Variants in CDH4 observed in about 807,000 individuals in gnomAD.
The protein encoded by CDH4 is cadherin-4.
CDH4 carries 33 observed loss-of-function variants against 86.0 expected under a neutral mutation model. The ratio of observed to expected loss-of-function variants is 0.38; its 90% CI spans 0.29 to 0.51. The LOEUF (loss-of-function observed/expected upper bound fraction) is 0.51, where lower values mean the gene tolerates loss of function less well. CDH4 is among the 20% of genes least tolerant of loss of function. CDH4 has a pLI of 0.86. For synonymous variants in CDH4, 555 were observed against 549.4 expected (o/e 1.01, Z -0.14); for missense variants, 1,114 against 1,307.4 (o/e 0.85, Z 2.28).
At chr20:61,316,157 G>C (rs1347993740) in intron 2 of CDH4, among the ~76,000 whole-genome samples, 1 of 152,144 alleles carries the variant, frequency 6.6e-6, no homozygotes, top group East Asian at 1.9e-4. Context: ...TTAGGATGGG[G>C]CAGGTTTCAG....
chr20:61,885,306 AC>A (rs1984492240), intron 7 of CDH4, among the ~76,000 whole-genome samples: 1 of 150,608 alleles, frequency 6.6e-6, no homozygotes, highest in African/African-American at 2.5e-5. Flanking sequence ...CGACTCCCTT[AC>A]CCCCAGCTCC....
At chr20:61,532,231 G>A (rs886868273) in intron 2 of CDH4, among the ~76,000 whole-genome samples, 3 of 152,234 alleles carry the variant, frequency 2.0e-5, no homozygotes, top group African/African-American at 4.8e-5. Context: ...CCTGAGCACC[G>A]TGAGTTTGCT....
chr20:61,334,059 G>A (rs541175553), intron 2 of CDH4, among the ~76,000 whole-genome samples: 4 of 152,328 alleles, frequency 2.6e-5, no homozygotes, highest in Non-Finnish European at 5.9e-5. Context: ...TTTGGAGGGT[G>A]TCCTGGCCTG....
At chr20:61,798,969 G>A (rs1568822309) in intron 4 of CDH4, among the ~76,000 whole-genome samples, 1 of 152,258 alleles carries the variant, frequency 6.6e-6, no homozygotes, top group Non-Finnish European at 1.5e-5. Context: ...CTACTGTGTT[G>A]TGATCAACAG....
At chr20:61,333,461 C>A (rs553240503) in intron 2 of CDH4, among the ~76,000 whole-genome samples, 3 of 152,310 alleles carry the variant, frequency 2.0e-5, no homozygotes, top group South Asian at 4.1e-4. Context: ...ACAAAGGTCA[C>A]CAGATAATCC....
intron 2 of CDH4, among the ~76,000 whole-genome samples, chr20:61,688,522 G>T (rs577234736): frequency 6.6e-6 from 1 of 152,240 alleles, no homozygotes; most frequent in African/African-American, 2.4e-5. Context: ...CCCCTGGACC[G>T]CACTCTGGGC....
intron 2 of CDH4, among the ~76,000 whole-genome samples, chr20:61,464,522 C>T (rs1440461276): frequency 1.3e-5 from 2 of 152,214 alleles, no homozygotes; most frequent in Non-Finnish European, 2.9e-5. Context: ...TGGGATGAGA[C>T]ATCATCTTGC....
intron 7 of CDH4, among the ~76,000 whole-genome samples, chr20:61,883,998 T>TC (rs943892905): frequency 6.6e-6 from 1 of 152,078 alleles, no homozygotes; most frequent in Non-Finnish European, 1.5e-5. Flanking sequence ...CTTTGTGGCC[T>TC]CCCCTGCCCC....
chr20:61,493,082 A>T (rs1317624967), intron 2 of CDH4, among the ~76,000 whole-genome samples: 1 of 152,236 alleles, frequency 6.6e-6, no homozygotes, highest in African/African-American at 2.4e-5. Context: ...ATTAGACTCT[A>T]ATAAAGTCAC....
intron 2 of CDH4, among the ~76,000 whole-genome samples, chr20:61,361,841 A>G (rs2084784713): frequency 6.6e-6 from 1 of 152,224 alleles, no homozygotes; most frequent in Non-Finnish European, 1.5e-5. Context: ...CCAGCCCAGC[A>G]CATAGCTTTC....
intron 2 of CDH4, among the ~76,000 whole-genome samples, chr20:61,413,501 G>A (rs977001722): frequency 6.6e-6 from 1 of 152,174 alleles, no homozygotes; most frequent in African/African-American, 2.4e-5. Context: ...CTCCTCATCT[G>A]TAAACTGGGG....
intron 2 of CDH4, among the ~76,000 whole-genome samples, chr20:61,257,937 G>A (rs1373918441): frequency 1.3e-5 from 2 of 152,184 alleles, no homozygotes; most frequent in African/African-American, 4.8e-5. Flanking sequence ...ATCCTGCAAC[G>A]AAGCGGGAAC....
intron 2 of CDH4, among the ~76,000 whole-genome samples, chr20:61,660,974 G>A (rs2087248118): frequency 6.6e-6 from 1 of 151,558 alleles, no homozygotes; most frequent in Admixed American, 6.6e-5. Flanking sequence ...ATCCTTTTCT[G>A]CTCTGAATTG....
chr20:61,855,411 G>C (rs190839763), intron 6 of CDH4, among the ~76,000 whole-genome samples: 7 of 152,192 alleles, frequency 4.6e-5, no homozygotes, highest in Non-Finnish European at 7.4e-5. Flanking sequence ...GGCAGGCAGG[G>C]GGTGAGCAGA....
intron 2 of CDH4, among the ~76,000 whole-genome samples, chr20:61,460,007 G>T (rs2085432853): frequency 6.6e-6 from 1 of 152,134 alleles, no homozygotes. Context: ...CAGAGTGATG[G>T]GTTGCTGGGT....
intron 6 of CDH4, among the ~76,000 whole-genome samples, chr20:61,872,319 T>C (rs1174553930): frequency 2.0e-5 from 3 of 152,110 alleles, no homozygotes; most frequent in Non-Finnish European, 4.4e-5. Context: ...CAGGGCCCCA[T>C]GACTCAGTCC....
chr20:61,569,681 A>C (rs1442053997), intron 2 of CDH4, among the ~76,000 whole-genome samples: 1 of 151,958 alleles, frequency 6.6e-6, no homozygotes, highest in Non-Finnish European at 1.5e-5. Flanking sequence ...ACTGCCCCCC[A>C]AATTTTTTTT....
At chr20:61,848,196 C>G (rs183851283) in intron 5 of CDH4, among the ~76,000 whole-genome samples, 1 of 152,186 alleles carries the variant, frequency 6.6e-6, no homozygotes, top group Non-Finnish European at 1.5e-5. Context: ...GCCCTCACCA[C>G]GGATGCACTC....
At chr20:61,538,442 CAACCCAGAGCCGGA>C (rs2086014409) in intron 2 of CDH4, among the ~76,000 whole-genome samples, 1 of 152,064 alleles carries the variant, frequency 6.6e-6, no homozygotes. Flanking sequence ...ATCCATGCCC[CAACCCAGAGCCGGA>C]AACCCAGGCC....
Sources: gnomAD v4.1 joint callset for allele counts (sites outside exome capture counted in the v4.1 genomes callset) on GRCh38, gnomAD v4.1.1 for gene constraint, MANE v1.5 for transcripts, NCBI Gene and HGNC (gene_info 2026-07-23, HGNC 2026-07-21) for gene names.